RYK: variants seen among roughly 807,000 people sequenced by gnomAD.
RYK encodes inactive tyrosine-protein kinase RYK.
In RYK, 21 loss-of-function variants were observed where a neutral mutation model predicts 70.2. The ratio of observed to expected loss-of-function variants is 0.30; its 90% CI spans 0.21 to 0.43. The LOEUF (loss-of-function observed/expected upper bound fraction) is 0.43. RYK is among the 20% of genes least tolerant of loss of function. The probability of loss-of-function intolerance (pLI) is 1.00; values close to 1 mark genes in which losing one functional copy is unlikely to be tolerated. For synonymous variants in RYK, 267 were observed against 278.0 expected (o/e 0.96, Z 0.39); for missense variants, 604 against 753.3 (o/e 0.80, Z 2.32).
At chr3:134,180,127 T>C (rs904299764) in intron 10 of RYK, 3 of 152,058 alleles carry the variant, frequency 2.0e-5, no homozygotes, top group African/African-American at 7.2e-5. Flanking sequence ...TCAGTCTTGT[T>C]GAGGGCGTTT....
chr3:134,189,498 C>T (rs1469705587), intron 8 of RYK, among the ~76,000 whole-genome samples: 2 of 151,968 alleles, frequency 1.3e-5, no homozygotes, highest in East Asian at 1.9e-4. Flanking sequence ...GCGCGGCTCA[C>T]GCCTGTAATC....
intron 11 of RYK, among the ~76,000 whole-genome samples, 189 bp downstream of exon 11, chr3:134,177,752 G>A (rs1293873392): frequency 1.3e-5 from 2 of 152,190 alleles, no homozygotes; most frequent in Non-Finnish European, 2.9e-5. Flanking sequence ...CACAGTGTAA[G>A]CCTCAAGGCA....
At chr3:134,160,595 C>T (rs543959635) in intron 13 of RYK, among the ~76,000 whole-genome samples, 17 of 152,212 alleles carry the variant, frequency 1.1e-4, no homozygotes, top group South Asian at 4.1e-4. Flanking sequence ...GGGCCAGGCA[C>T]GGTGGCTCAC....
intron 9 of RYK, among the ~76,000 whole-genome samples, chr3:134,187,815 C>T (rs1451049024): frequency 6.6e-6 from 1 of 151,826 alleles, no homozygotes; most frequent in African/African-American, 2.4e-5. Context: ...CTGCCTTAGC[C>T]TCCCAAAGCA....
At chr3:134,209,477 CA>C (rs990635308) in intron 4 of RYK, among the ~76,000 whole-genome samples, 3 of 152,138 alleles carry the variant, frequency 2.0e-5, no homozygotes, top group Admixed American at 2.0e-4. Context: ...GCAATTCTGA[CA>C]AAAGATTTGA....
intron 10 of RYK, chr3:134,179,304 A>T (rs952589322): frequency 1.5e-4 from 23 of 152,228 alleles, no homozygotes; most frequent in African/African-American, 5.5e-4. Context: ...ATCACTTTTT[A>T]AACCCCAGTT....
intron 1 of RYK, among the ~76,000 whole-genome samples, chr3:134,228,140 A>C (rs1474049655): frequency 6.6e-6 from 1 of 152,160 alleles, no homozygotes; most frequent in African/African-American, 2.4e-5. Flanking sequence ...AAATGTTTAC[A>C]ATTAGCCAAG....
intron 8 of RYK, 84 bp downstream of exon 8, chr3:134,191,765 G>C (rs1270800431): frequency 1.8e-6 from 2 of 1,111,240 alleles, no homozygotes; most frequent in Non-Finnish European, 2.5e-6. Context: ...AAAATGAGAT[G>C]AAATTTTTTA....
At chr3:134,192,774 C>G (rs904623212) in intron 7 of RYK, among the ~76,000 whole-genome samples, 1 of 152,128 alleles carries the variant, frequency 6.6e-6, no homozygotes, top group African/African-American at 2.4e-5. Context: ...TCAATGGTTG[C>G]CAGGAGAACC....
chr3:134,240,286 G>A (rs2015291510), intron 1 of RYK, among the ~76,000 whole-genome samples: 1 of 152,186 alleles, frequency 6.6e-6, no homozygotes, highest in African/African-American at 2.4e-5. Context: ...TGGAGTAGGG[G>A]TAAGGTGGTA....
chr3:134,184,780 TAAAC>T (rs1348608082), intron 9 of RYK, among the ~76,000 whole-genome samples: 2 of 150,472 alleles, frequency 1.3e-5, no homozygotes, highest in African/African-American at 2.4e-5. Context: ...ATAATAATAA[TAAAC>T]AAATAAGAAG....
At chr3:134,205,249 T>C (rs1232167009) in intron 5 of RYK, among the ~76,000 whole-genome samples, 7 of 152,132 alleles carry the variant, frequency 4.6e-5, no homozygotes, top group Non-Finnish European at 8.8e-5. Flanking sequence ...ATATACAAGT[T>C]TGGAGTTCTG....
At chr3:134,236,575 T>C (rs796300374) in intron 1 of RYK, among the ~76,000 whole-genome samples, 28 of 152,268 alleles carry the variant, frequency 1.8e-4, no homozygotes, top group African/African-American at 5.8e-4. Flanking sequence ...TAAAAGCAGA[T>C]CCTCAAATTA....
chr3:134,232,984 A>G lies in RYK; in HGVS notation c.233-10445T>C, dbSNP rs75653384. On this transcript the variant is annotated intron_variant, in intron 1 of 14. Coordinates refer to ENST00000623711, the MANE Select transcript of RYK (RefSeq NM_002958.4). ...ATATTTAAAATGAGCACCTGTACCC[A>G]GGACTCCCTGCTCAAAGGAGCATTC... Among the ~76,000 whole-genome samples the G allele has an allele frequency of 3.0e-3, 456 of 152,362 alleles. 3 individuals carry two copies. Among genetic ancestry groups the G allele is most frequent in the African/African-American group, 9.9e-3 (412 of 41,594 alleles).
chr3:134,163,773 T>C (rs552795501), intron 13 of RYK, among the ~76,000 whole-genome samples: 10 of 152,198 alleles, frequency 6.6e-5, no homozygotes, highest in Non-Finnish European at 1.5e-5. Flanking sequence ...AGTGGAAGCA[T>C]CATCAGGTGG....
At chr3:134,187,525 A>G (rs1295025959) in intron 9 of RYK, among the ~76,000 whole-genome samples, 1 of 152,146 alleles carries the variant, frequency 6.6e-6, no homozygotes, top group Non-Finnish European at 1.5e-5. Context: ...CTCTCTAGAT[A>G]AGCAAATAAG....
At chr3:134,233,798 CTG>C (rs1406074323) in intron 1 of RYK, among the ~76,000 whole-genome samples, 1 of 152,162 alleles carries the variant, frequency 6.6e-6, no homozygotes, top group African/African-American at 2.4e-5. Flanking sequence ...ATGAACAAAA[CTG>C]TTATAAATAC....
rs1271007282 is a variant in RYK at position 134,157,524 on chromosome 3, T to C, written c.*629A>G. 6.6e-6 allele frequency: 1 copy of C among 152,202 alleles called. No individual in the cohort carries two copies. The highest frequency in any genetic ancestry group is 1.5e-5 in the Non-Finnish European group (1 of 68,034). 9.4% of individuals were successfully genotyped at this position (152,202 alleles called of 1,614,324 possible). A position where few individuals can be genotyped will look rare whatever the true frequency, so the allele number is the denominator to read the frequency against. On this transcript the variant is annotated 3_prime_UTR_variant, in exon 15 of 15. Coordinates refer to ENST00000623711, the MANE Select transcript of RYK (RefSeq NM_002958.4). ...CAGAATTCCTTTTCACTGAAAAAAA[T>C]AAACAGTTTTCCATGCAAGGGCAGT... is the stretch of plus-strand genomic sequence containing the variant.
chr3:134,224,604 G>A (rs1236859137), intron 1 of RYK, among the ~76,000 whole-genome samples: 2 of 152,168 alleles, frequency 1.3e-5, no homozygotes, highest in Admixed American at 1.3e-4. Context: ...CTCCCCCGGG[G>A]AAAGGGAGAG....
Sources: allele counts gnomAD v4.1 joint callset (sites outside exome capture counted in the v4.1 genomes callset), GRCh38; gene constraint gnomAD v4.1.1; transcripts MANE v1.5; gene names NCBI Gene and HGNC (gene_info 2026-07-23, HGNC 2026-07-21).